The following SCOC variants were observed in gnomAD, a reference collection of about 807,000 sequenced individuals.
The protein encoded by SCOC is short coiled-coil protein.
SCOC carries 7 observed loss-of-function variants against 9.9 expected under a neutral mutation model. That is an observed-to-expected ratio of 0.71 (90% CI 0.40 to 1.33). The LOEUF is 1.33. Among genes scored for constraint, SCOC ranks in the 40% most tolerant of loss-of-function variants. The pLI is 0.01. For missense variants in SCOC, 66 were observed against 89.7 expected (o/e 0.74, Z 1.07); for synonymous variants, 19 against 28.2 (o/e 0.67, Z 1.03).
intron 1 of SCOC, among the ~76,000 whole-genome samples, chr4:140,259,973 C>T (rs1350715897): frequency 1.3e-5 from 2 of 152,162 alleles, no homozygotes; most frequent in Non-Finnish European, 2.9e-5. Context: ...TCTGCCTTTC[C>T]AAATCCTCCC....
At chr4:140,339,775 G>A (rs1203511476), upstream of SCOC, among the ~76,000 whole-genome samples, 4 of 152,184 alleles carry the variant, frequency 2.6e-5, no homozygotes, top group African/African-American at 9.7e-5. Context: ...CAGTTAGAAT[G>A]GCGATCATTA....
chr4:140,341,401 C>T (rs1259947643), upstream of SCOC, among the ~76,000 whole-genome samples: 2 of 152,192 alleles, frequency 1.3e-5, no homozygotes, highest in Non-Finnish European at 2.9e-5. Flanking sequence ...GAAGTCCAAT[C>T]TTAGCTCCAC....
At chr4:140,271,751 A>T (rs748735475) in intron 1 of SCOC, among the ~76,000 whole-genome samples, 2 of 152,156 alleles carry the variant, frequency 1.3e-5, no homozygotes, top group Non-Finnish European at 2.9e-5. Flanking sequence ...GCTTCTGAGC[A>T]CTCACATTGT....
At chr4:140,272,430 C>T (rs1730867306) in intron 1 of SCOC, among the ~76,000 whole-genome samples, 1 of 152,096 alleles carries the variant, frequency 6.6e-6, no homozygotes, top group Non-Finnish European at 1.5e-5. Flanking sequence ...TGGGCCCTAC[C>T]CCTCACCAAA....
At chr4:140,328,686 T>C (rs1366225307) in intron 1 of SCOC, among the ~76,000 whole-genome samples, 1 of 152,222 alleles carries the variant, frequency 6.6e-6, no homozygotes, top group Non-Finnish European at 1.5e-5. Context: ...TCTTATAATT[T>C]GCACACTTTA....
intron 1 of SCOC, among the ~76,000 whole-genome samples, chr4:140,305,845 T>C (rs1302441967): frequency 5.3e-5 from 8 of 152,172 alleles, no homozygotes; most frequent in Admixed American, 5.2e-4. Context: ...GAGCTGCTTC[T>C]TTATGGCTTT....
intron 2 of SCOC, among the ~76,000 whole-genome samples, chr4:140,364,264 T>C (rs1560722127): frequency 1.3e-5 from 2 of 152,192 alleles, no homozygotes; most frequent in East Asian, 3.9e-4. Context: ...AGGCGAAGGA[T>C]GTAAACCTGA....
At chr4:140,346,922 A>G (rs1452124439) in intron 2 of SCOC, among the ~76,000 whole-genome samples, 1 of 152,130 alleles carries the variant, frequency 6.6e-6, no homozygotes, top group Non-Finnish European at 1.5e-5. Context: ...TCATTGTTTC[A>G]CACTAGATTG....
At chr4:140,260,099 C>T (rs1378365871) in intron 1 of SCOC, among the ~76,000 whole-genome samples, 1 of 152,178 alleles carries the variant, frequency 6.6e-6, no homozygotes, top group Non-Finnish European at 1.5e-5. Context: ...AAACACTGTC[C>T]CATGACATTT....
intron 1 of SCOC, among the ~76,000 whole-genome samples, chr4:140,261,005 T>C (rs960852308): frequency 2.0e-5 from 3 of 152,258 alleles, no homozygotes; most frequent in African/African-American, 7.2e-5. Flanking sequence ...TTGAACTCGA[T>C]GTTCAACACA....
intron 1 of SCOC, among the ~76,000 whole-genome samples, chr4:140,295,960 A>G (rs575255936): frequency 1.6e-4 from 24 of 151,580 alleles, no homozygotes; most frequent in Admixed American, 2.0e-4. Flanking sequence ...AAGAAAGAAA[A>G]AAAAAAAGAA....
intron 1 of SCOC, among the ~76,000 whole-genome samples, chr4:140,296,722 GT>G (rs1731648760): frequency 6.6e-6 from 1 of 152,012 alleles, no homozygotes; most frequent in African/African-American, 2.4e-5. Flanking sequence ...TGTAGCTGAT[GT>G]CAACACTGAT....
chr4:140,346,559 A>G (rs2126518780), intron 2 of SCOC, among the ~76,000 whole-genome samples: 1 of 152,326 alleles, frequency 6.6e-6, no homozygotes, highest in East Asian at 1.9e-4. Flanking sequence ...TTGTTTGAGG[A>G]AAGGATTGAA....
upstream of SCOC, among the ~76,000 whole-genome samples, chr4:140,342,162 A>G (rs1235405898): frequency 2.6e-5 from 4 of 152,058 alleles, no homozygotes; most frequent in African/African-American, 9.7e-5. Flanking sequence ...CCTGTATCTC[A>G]TACTCTTGGT....
chr4:140,318,918 C>A (rs1732411875), intron 1 of SCOC, among the ~76,000 whole-genome samples: 1 of 152,132 alleles, frequency 6.6e-6, no homozygotes, highest in African/African-American at 2.4e-5. Context: ...CTTGTCTATT[C>A]CAAGGCCTCC....
In SCOC at chr4:140,382,179, A is replaced by G. The variant is rs1364353175; in HGVS notation, c.*1075A>G. The G allele has an allele frequency of 6.6e-6, 1 of 152,208 alleles. No homozygotes were observed. The highest frequency in any genetic ancestry group is 2.4e-5 in the African/African-American group (1 of 41,458). The allele number at this position is 152,208 out of a possible 1,614,324, so 9.4% of individuals were successfully genotyped here. A position where few individuals can be genotyped will look rare whatever the true frequency, so the allele number is the denominator to read the frequency against. ...TACATGTATACTTATTATCTTGCTC[A>G]GTATTTTATCTCACTTGTTCTAGAA... On this transcript the variant is annotated 3_prime_UTR_variant, in exon 4 of 4. Transcript: ENST00000608372.
At chr4:140,305,586 G>C (rs1731955464) in intron 1 of SCOC, among the ~76,000 whole-genome samples, 1 of 152,210 alleles carries the variant, frequency 6.6e-6, no homozygotes, top group Non-Finnish European at 1.5e-5. Flanking sequence ...CCTATAACTT[G>C]CTGACAGGCT....
At chr4:140,313,862 T>A (rs1261114338) in intron 1 of SCOC, among the ~76,000 whole-genome samples, 1 of 152,076 alleles carries the variant, frequency 6.6e-6, no homozygotes, top group Non-Finnish European at 1.5e-5. Flanking sequence ...GTGCGGTGGC[T>A]CATGCCTGTA....
At chr4:140,299,784 G>A (rs188618338) in intron 1 of SCOC, among the ~76,000 whole-genome samples, 115 of 152,318 alleles carry the variant, frequency 7.5e-4, no homozygotes, top group Non-Finnish European at 1.3e-3. Context: ...AGTAGTGAGG[G>A]TGGGCAGGGC....
Sources: allele counts gnomAD v4.1 joint callset (sites outside exome capture counted in the v4.1 genomes callset), GRCh38; gene constraint gnomAD v4.1.1; transcripts MANE v1.5; gene names NCBI Gene and HGNC (gene_info 2026-07-23, HGNC 2026-07-21).